Variants in EDIL3 observed in about 807,000 individuals in gnomAD.
The protein encoded by EDIL3 is EGF like and discoidin domains 3, also known as EGF-like repeat and discoidin I-like domain-containing protein 3.
EDIL3 carries 37 observed loss-of-function variants against 67.4 expected under a neutral mutation model. That is an observed-to-expected ratio of 0.55 (90% CI 0.42 to 0.72). The LOEUF (loss-of-function observed/expected upper bound fraction) is 0.72. Ranked by LOEUF, EDIL3 falls within the 30% of genes least tolerant of loss-of-function variation. The probability of loss-of-function intolerance (pLI) is 0.00; values close to 1 mark genes in which losing one functional copy is unlikely to be tolerated. For synonymous variants in EDIL3, 195 were observed against 196.3 expected (o/e 0.99, Z 0.05); for missense variants, 527 against 586.3 (o/e 0.90, Z 1.04).
intron 9 of EDIL3, among the ~76,000 whole-genome samples, chr5:83,970,643 GTATATATATATATATATATA>G (rs70975530): frequency 2.6e-5 from 3 of 116,136 alleles, no homozygotes; most frequent in South Asian, 2.6e-4. Flanking sequence ...TAGGATCACA[GTATATATATATATATATATA>G]TATATATATA....
intron 6 of EDIL3, among the ~76,000 whole-genome samples, chr5:84,099,756 T>G (rs1425875148): frequency 6.6e-6 from 1 of 152,090 alleles, no homozygotes; most frequent in African/African-American, 2.4e-5. Flanking sequence ...AAAGAGCTTC[T>G]GCACAGCAAA....
At chr5:84,115,241 T>A (rs1009221442) in intron 5 of EDIL3, among the ~76,000 whole-genome samples, 1 of 152,180 alleles carries the variant, frequency 6.6e-6, no homozygotes, top group Admixed American at 6.5e-5. Context: ...ATATTTGGAA[T>A]GAAAACCACA....
intron 3 of EDIL3, 109 bp from the exon 4 acceptor site, chr5:84,180,630 G>A: frequency 8.0e-7 from 1 of 1,247,622 alleles, no homozygotes; most frequent in Non-Finnish European, 1.1e-6. Context: ...CTAGATATTA[G>A]TGGCATAGTA....
intron 3 of EDIL3, among the ~76,000 whole-genome samples, chr5:84,187,020 T>C (rs1743469610): frequency 6.6e-6 from 1 of 152,014 alleles, no homozygotes; most frequent in East Asian, 1.9e-4. Flanking sequence ...ACAATGGTAA[T>C]ATCACTCTTA....
At chr5:83,982,156 A>T (rs1257318169) in intron 9 of EDIL3, among the ~76,000 whole-genome samples, 1 of 152,102 alleles carries the variant, frequency 6.6e-6, no homozygotes. Context: ...TCAAAATTTG[A>T]TGAAACTAAT....
intron 3 of EDIL3, among the ~76,000 whole-genome samples, chr5:84,208,368 C>G (rs370553570): frequency 2.0e-5 from 3 of 152,052 alleles, no homozygotes; most frequent in African/African-American, 4.8e-5. Context: ...ACACCAGTTA[C>G]AATGGCGATC....
At chr5:84,002,281 C>T (rs1745345005) in intron 9 of EDIL3, among the ~76,000 whole-genome samples, 1 of 151,366 alleles carries the variant, frequency 6.6e-6, no homozygotes, top group Non-Finnish European at 1.5e-5. Context: ...GAACATACCT[C>T]AACATATAAT....
chr5:84,096,611 G>C (rs1747268221), intron 6 of EDIL3, among the ~76,000 whole-genome samples: 1 of 152,068 alleles, frequency 6.6e-6, no homozygotes, highest in African/African-American at 2.4e-5. Context: ...GAAGGGACTT[G>C]GTTTTTTTCA....
chr5:84,066,298 A>AC (rs1187842651), intron 7 of EDIL3, among the ~76,000 whole-genome samples, 153 bp downstream of exon 7: 1 of 152,100 alleles, frequency 6.6e-6, no homozygotes, highest in East Asian at 1.9e-4. Context: ...GAGAATTACT[A>AC]CTTCCTTCAT....
intron 1 of EDIL3, among the ~76,000 whole-genome samples, chr5:84,326,065 T>C (rs1746749994): frequency 1.3e-5 from 2 of 152,040 alleles, no homozygotes; most frequent in African/African-American, 4.8e-5. Context: ...AAATTCTTAA[T>C]GTCATTATCA....
intron 3 of EDIL3, among the ~76,000 whole-genome samples, chr5:84,224,038 C>T (rs1278433612): frequency 6.6e-6 from 1 of 150,384 alleles, no homozygotes; most frequent in Non-Finnish European, 1.5e-5. Flanking sequence ...AAAAAAATGA[C>T]AAAGTAATTA....
Position 84,258,678 on chromosome 5 carries a change from A to G in EDIL3, c.68-4466T>C, listed in dbSNP as rs560058622. Among the ~76,000 whole-genome samples the G allele has an allele frequency of 2.0e-5, 3 of 152,304 alleles. No homozygotes were observed. The South Asian group carries it at 6.2e-4, about 32-fold the overall frequency. ...AAAACTGTCCTGATTTGAATGAGTT[A>G]TACGGTTACTTAGGTCAAAACCATC... On this transcript the variant is annotated intron_variant, in intron 1 of 10. Coordinates refer to ENST00000296591, the MANE Select transcript of EDIL3 (RefSeq NM_005711.5).
chr5:84,109,239 C>G (rs567199064), intron 5 of EDIL3, among the ~76,000 whole-genome samples: 6 of 152,322 alleles, frequency 3.9e-5, no homozygotes, highest in Non-Finnish European at 7.4e-5. Flanking sequence ...GGCGCAGTGG[C>G]TCATGTCTGT....
At chr5:83,969,699 A>G (rs1744757470) in intron 9 of EDIL3, among the ~76,000 whole-genome samples, 1 of 151,886 alleles carries the variant, frequency 6.6e-6, no homozygotes, top group South Asian at 2.1e-4. Flanking sequence ...CATCTGCTAT[A>G]TAAAATAACT....
At chr5:84,213,851 A>T (rs1744176133) in intron 3 of EDIL3, among the ~76,000 whole-genome samples, 1 of 152,214 alleles carries the variant, frequency 6.6e-6, no homozygotes, top group Non-Finnish European at 1.5e-5. Context: ...TTACTTGAAG[A>T]TGTCTGTGAG....
intron 5 of EDIL3, among the ~76,000 whole-genome samples, chr5:84,116,774 A>C (rs1195881326): frequency 3.3e-5 from 5 of 152,180 alleles, no homozygotes; most frequent in Non-Finnish European, 7.4e-5. Flanking sequence ...TGCTTTACCA[A>C]TTTTATAAAA....
intron 1 of EDIL3, among the ~76,000 whole-genome samples, chr5:84,342,392 T>C (rs1747134131): frequency 6.6e-6 from 1 of 151,938 alleles, no homozygotes; most frequent in Non-Finnish European, 1.5e-5. Context: ...GAATTTAGAA[T>C]GACAGACAAT....
At chr5:84,314,925 A>C (rs1265039589) in intron 1 of EDIL3, among the ~76,000 whole-genome samples, 1 of 152,108 alleles carries the variant, frequency 6.6e-6, no homozygotes, top group East Asian at 1.9e-4. Flanking sequence ...TTTGAATTTT[A>C]TTATTTTTAT....
intron 8 of EDIL3, 61 bp from the exon 9 acceptor site, chr5:84,060,545 A>G: frequency 1.3e-6 from 2 of 1,579,066 alleles, no homozygotes; most frequent in Non-Finnish European, 1.7e-6. Context: ...ACTTTTCTGC[A>G]TTCATTTTGG....
Sources: allele counts gnomAD v4.1 joint callset (sites outside exome capture counted in the v4.1 genomes callset), GRCh38; gene constraint gnomAD v4.1.1; transcripts MANE v1.5; gene names NCBI Gene and HGNC (gene_info 2026-07-23, HGNC 2026-07-21).